Variants in PTPN14 observed in about 807,000 individuals in gnomAD.
PTPN14 encodes tyrosine-protein phosphatase non-receptor type 14.
In PTPN14, 53 loss-of-function variants were observed where a neutral mutation model predicts 126.8. That is an observed-to-expected ratio of 0.42 (90% CI 0.34 to 0.53). The LOEUF (loss-of-function observed/expected upper bound fraction) is 0.53. Among genes scored for constraint, PTPN14 ranks in the 20% least tolerant of loss-of-function variants. The pLI, the probability that PTPN14 is intolerant of heterozygous loss-of-function variation, is 0.08. For synonymous variants in PTPN14, 630 were observed against 599.3 expected, an observed-to-expected ratio of 1.05 and a Z score of -0.75; for missense variants, 1,257 against 1,552.9, an observed-to-expected ratio of 0.81 and a Z score of 3.20.
At chr1:214,532,646 A>G in intron 1 of PTPN14, 2 of 871,984 alleles carry the variant, frequency 2.3e-6, no homozygotes, top group South Asian at 1.3e-5. Flanking sequence ...CTGCAGACTG[A>G]CAATGCCCAT....
chr1:214,510,384 T>C (rs893504091), intron 1 of PTPN14, among the ~76,000 whole-genome samples: 2 of 152,198 alleles, frequency 1.3e-5, no homozygotes, highest in African/African-American at 4.8e-5. Context: ...AAAACAGACT[T>C]GCTCAATGCA....
At chr1:214,415,067 C>A (rs771745924) in intron 3 of PTPN14, among the ~76,000 whole-genome samples, 1 of 150,312 alleles carries the variant, frequency 6.7e-6, no homozygotes. Context: ...CACGACAACA[C>A]GACTGCCAAA....
intron 13 of PTPN14, among the ~76,000 whole-genome samples, chr1:214,380,899 C>T (rs1398215001): frequency 6.6e-6 from 1 of 152,150 alleles, no homozygotes; most frequent in Non-Finnish European, 1.5e-5. Flanking sequence ...TCCTGGCTCA[C>T]TGAAGCAGCT....
intron 12 of PTPN14, among the ~76,000 whole-genome samples, chr1:214,385,770 G>A (rs1386223729): frequency 6.6e-6 from 1 of 152,214 alleles, no homozygotes; most frequent in African/African-American, 2.4e-5. Flanking sequence ...TGTGGAAAGA[G>A]ATCTGATCAG....
chr1:214,535,110 C>T (rs961764299), intron 1 of PTPN14, among the ~76,000 whole-genome samples: 10 of 151,996 alleles, frequency 6.6e-5, no homozygotes, highest in East Asian at 3.8e-4. Flanking sequence ...TAAGGCAAGC[C>T]AATGAGTACC....
chr1:214,371,235 C>T (rs1040162944), intron 16 of PTPN14, among the ~76,000 whole-genome samples: 2 of 152,136 alleles, frequency 1.3e-5, no homozygotes, highest in Non-Finnish European at 2.9e-5. Context: ...CCCAGTCACT[C>T]TCTTTCTTAA....
intron 1 of PTPN14, among the ~76,000 whole-genome samples, chr1:214,520,864 G>T (rs1007215335): frequency 6.6e-6 from 1 of 152,036 alleles, no homozygotes; most frequent in African/African-American, 2.4e-5. Flanking sequence ...CTGATGAAAA[G>T]AATGTCATAA....
rs560301993 is a variant in PTPN14 at position 214,457,898 on chromosome 1, G to A, written c.175-5924C>T. ...TTCACGTGTTCCATAACCACATGTG[G>A]CTACCATATTGGACAGCACAACCTT... On this transcript the variant is annotated intron_variant, in intron 2 of 18. Coordinates refer to ENST00000366956, the MANE Select transcript of PTPN14 (RefSeq NM_005401.5). Among the ~76,000 whole-genome samples the A allele has an allele frequency of 1.0e-3, 153 of 152,076 alleles. 1 individual carries two copies. The highest frequency in any genetic ancestry group is 2.0e-3 in the Non-Finnish European group (133 of 68,020).
intron 3 of PTPN14, among the ~76,000 whole-genome samples, chr1:214,450,485 A>G (rs1468596894): frequency 6.6e-6 from 1 of 150,586 alleles, no homozygotes; most frequent in Non-Finnish European, 1.5e-5. Context: ...TTAAAAAAAA[A>G]AAAGAAAAAG....
chr1:214,377,542 TTAAAAA>T (rs1199705411), intron 14 of PTPN14, among the ~76,000 whole-genome samples: 20 of 152,106 alleles, frequency 1.3e-4, no homozygotes, highest in African/African-American at 4.8e-4. Flanking sequence ...TTTAAAAAAA[TTAAAAA>T]TAAAAATAAA....
intron 1 of PTPN14, among the ~76,000 whole-genome samples, chr1:214,495,798 G>A (rs139130146): frequency 0.016 from 2,374 of 152,172 alleles, 38 homozygotes; most frequent in Non-Finnish European, 0.024. Flanking sequence ...TGGTTCAAGC[G>A]ATGCTCCTGC....
chr1:214,549,884 TGG>T (rs906260392), intron 1 of PTPN14, among the ~76,000 whole-genome samples: 1 of 152,160 alleles, frequency 6.6e-6, no homozygotes, highest in African/African-American at 2.4e-5. Context: ...TTTCTGATAT[TGG>T]GGGTGGAGAG....
intron 1 of PTPN14, among the ~76,000 whole-genome samples, chr1:214,527,531 C>T (rs1655430965): frequency 6.6e-6 from 1 of 152,148 alleles, no homozygotes; most frequent in African/African-American, 2.4e-5. Context: ...AATTCCACTG[C>T]TATTTCAGAG....
At chr1:214,388,838 G>A (rs905509986) in intron 11 of PTPN14, among the ~76,000 whole-genome samples, 5 of 152,124 alleles carry the variant, frequency 3.3e-5, no homozygotes, top group Non-Finnish European at 5.9e-5. Context: ...TGGAAGAAAC[G>A]CACTGGCCAA....
At position 214,448,023 on chromosome 1, in the gene PTPN14, C is replaced by T. The variant is rs534185381; in HGVS notation, c.344+3782G>A. 5.9e-4 allele frequency among the ~76,000 whole-genome samples: 90 copies of T among 152,262 alleles called. 1 individual carries two copies. In the South Asian group the frequency reaches 0.018, roughly 31 times the overall value. ...CTTCCTAAATCCCACAGTTAATAAC[C>T]ACCACTACCAAAACTTTTTACTCTA... is the stretch of plus-strand genomic sequence containing the variant. On this transcript the variant is annotated intron_variant, in intron 3 of 18. Coordinates refer to ENST00000366956, the MANE Select transcript of PTPN14 (RefSeq NM_005401.5).
At position 214,350,511 on chromosome 1, in the gene PTPN14, T is replaced by C. The variant is rs1657682009; in HGVS notation, c.*7411A>G. 1 of 151,502 alleles carries C rather than the reference T, an allele frequency of 6.6e-6. No homozygotes were observed. The highest frequency in any genetic ancestry group is 2.4e-5 in the African/African-American group (1 of 41,054). 9.4% of individuals were successfully genotyped at this position (151,502 alleles called of 1,614,324 possible). A position where few individuals can be genotyped will look rare whatever the true frequency, so the allele number is the denominator to read the frequency against. ...CTGAGTTTTCTAGCTATTTTCATTC[T>C]GGTTATTTTCATCCGCCAGATCTTT... is the stretch of plus-strand genomic sequence containing the variant. On this transcript the variant is annotated 3_prime_UTR_variant, in exon 19 of 19. Coordinates refer to ENST00000366956, the MANE Select transcript of PTPN14 (RefSeq NM_005401.5).
At chr1:214,543,037 T>C (rs878936821) in intron 1 of PTPN14, among the ~76,000 whole-genome samples, 2 of 152,194 alleles carry the variant, frequency 1.3e-5, no homozygotes, top group Admixed American at 1.3e-4. Flanking sequence ...CTGTCTTGGA[T>C]ATGCGTGAGC....
At chr1:214,406,939 A>G (rs1571980163) in intron 5 of PTPN14, among the ~76,000 whole-genome samples, 1 of 152,124 alleles carries the variant, frequency 6.6e-6, no homozygotes, top group African/African-American at 2.4e-5. Context: ...GAAATTATCA[A>G]CCCTCCAATA....
Position 214,349,747 on chromosome 1 carries a change from T to C in PTPN14, c.*8175A>G, listed in dbSNP as rs1298694246. The C allele has an allele frequency of 6.6e-6, 1 of 152,174 alleles. No homozygotes were observed. Among genetic ancestry groups the C allele is most frequent in the Non-Finnish European group, 1.5e-5 (1 of 68,026 alleles). 9.4% of individuals were successfully genotyped at this position (152,174 alleles called of 1,614,324 possible). ...TTTATGTCAGAAAGGAGAAGGCTAA[T>C]GAATTTTTAAGATTCCAAACAGTGG... On this transcript the variant is annotated 3_prime_UTR_variant, in exon 19 of 19. Transcript: ENST00000366956.
Sources: gnomAD v4.1 joint callset for allele counts (sites outside exome capture counted in the v4.1 genomes callset) on GRCh38, gnomAD v4.1.1 for gene constraint, MANE v1.5 for transcripts, NCBI Gene and HGNC (gene_info 2026-07-23, HGNC 2026-07-21) for gene names.